The following OSMR variants were observed in gnomAD, a reference collection of about 807,000 sequenced individuals.
The protein encoded by OSMR is oncostatin M receptor, also known as oncostatin-M-specific receptor subunit beta.
In OSMR, 81 loss-of-function variants were observed where a neutral mutation model predicts 99.9. The observed-to-expected ratio is 0.81, with a 90% CI of 0.68 to 0.97. The LOEUF is 0.97. Among genes scored for constraint, OSMR ranks in the 50% least tolerant of loss-of-function variants. The pLI is 0.00. For synonymous variants in OSMR, 406 were observed against 410.4 expected (o/e 0.99, Z 0.13); for missense variants, 1,099 against 1,153.4 (o/e 0.95, Z 0.68).
Position 38,886,419 on chromosome 5 carries a change from C to T in OSMR, c.991+229C>T, listed in dbSNP as rs1164709770. ...CACCAATGAGCTTACTACCCAACTT[C>T]AAAACTAGGACTCTAACAATAACTT... On this transcript the variant is annotated intron_variant, in intron 7 of 17. Transcript: ENST00000274276. 6.6e-6 allele frequency: 8 copies of T among 1,211,582 alleles called. No homozygotes were observed. In the East Asian group the frequency reaches 2.3e-4, roughly 35 times the overall value. The allele number at this position is 1,211,582 out of a possible 1,614,324, so 75.1% of individuals were successfully genotyped here. A position where few individuals can be genotyped will look rare whatever the true frequency, so the allele number is the denominator to read the frequency against.
chr5:38,895,770 G>C (rs1326085012), intron 7 of OSMR, among the ~76,000 whole-genome samples: 1 of 151,942 alleles, frequency 6.6e-6, no homozygotes, highest in Non-Finnish European at 1.5e-5. Context: ...TCTTGTAGTA[G>C]TTTCATAGTT....
downstream of OSMR, chr5:38,945,128 C>T (rs1748043018): frequency 1.8e-6 from 2 of 1,140,920 alleles, no homozygotes; most frequent in East Asian, 4.9e-5. Flanking sequence ...CCTGTGCTTA[C>T]ATTGCATGCT....
At chr5:38,854,865 G>A (rs59397128) in intron 1 of OSMR, among the ~76,000 whole-genome samples, 41,946 of 152,124 alleles carry the variant, frequency 0.28, 5,976 homozygotes, top group South Asian at 0.44. Flanking sequence ...GAAGTAGGAA[G>A]TATTTTTTCC....
In OSMR at chr5:38,931,869, T is replaced by C. The variant is rs914119291; in HGVS notation, c.2213-14T>C. 6.2e-7 allele frequency: 1 copy of C among 1,611,598 alleles called. No individual in the cohort carries two copies. The highest frequency in any genetic ancestry group is 8.5e-7 in the Non-Finnish European group (1 of 1,177,822). ...GTACTTATTAAAAATGTCCCTTTCT[T>C]TTTCCTCGTTCAGCCTCGATGCTGA... On this transcript the variant is annotated splice_polypyrimidine_tract_variant and intron_variant, in intron 15 of 17. Coordinates refer to ENST00000274276, the MANE Select transcript of OSMR (RefSeq NM_003999.3).
At chr5:38,912,619 G>A (rs958815412) in intron 9 of OSMR, among the ~76,000 whole-genome samples, 11 of 152,020 alleles carry the variant, frequency 7.2e-5, no homozygotes, top group Admixed American at 6.6e-5. Context: ...TATAGACAAA[G>A]CATTTCTAAG....
chr5:38,922,175 C>T (rs956988572), intron 12 of OSMR, among the ~76,000 whole-genome samples: 1 of 152,136 alleles, frequency 6.6e-6, no homozygotes, highest in African/African-American at 2.4e-5. Flanking sequence ...TCATCAACTT[C>T]AGTTTCAATA....
At chr5:38,898,086 A>G (rs1744637009) in intron 7 of OSMR, among the ~76,000 whole-genome samples, 1 of 152,182 alleles carries the variant, frequency 6.6e-6, no homozygotes. Flanking sequence ...GCCATTGTAC[A>G]AAATATTTCT....
chr5:38,943,397 A>G (rs1159719477), intron 1 of OSMR: 1 of 162,094 alleles, frequency 6.2e-6, no homozygotes, highest in Non-Finnish European at 1.3e-5. Context: ...GCACCTCAGA[A>G]TCAGCTGTGA....
rs757376675 is a variant in OSMR at position 38,918,825 on chromosome 5, C to A, written c.1363-15C>A. The A allele has an allele frequency of 2.6e-5, 42 of 1,611,732 alleles. No homozygotes were observed. The highest frequency in any genetic ancestry group is 3.3e-5 in the Non-Finnish European group (39 of 1,178,090). On this transcript the variant is annotated splice_polypyrimidine_tract_variant and intron_variant, in intron 10 of 17. Transcript: ENST00000274276. ...TTAAAACCCATTTAAAAATGTTTAT[C>A]AATATTTTTTTCAGCCATTATCAAA...
downstream of OSMR, chr5:38,945,124 C>T: frequency 8.4e-7 from 1 of 1,185,966 alleles, no homozygotes; most frequent in Non-Finnish European, 1.2e-6. Context: ...AATTCCTGTG[C>T]TTACATTGCA....
intron 9 of OSMR, among the ~76,000 whole-genome samples, chr5:38,915,449 T>G (rs1324469736): frequency 6.6e-6 from 1 of 152,160 alleles, no homozygotes; most frequent in Non-Finnish European, 1.5e-5. Context: ...GGAAGAAAAA[T>G]AATTCATGTA....
chr5:38,885,983 C>T lies in OSMR; in HGVS notation c.840-56C>T, dbSNP rs552843350. 111 of 1,602,280 alleles carry T rather than the reference C, an allele frequency of 6.9e-5. No individual in the cohort carries two copies. In the South Asian group the frequency reaches 1.2e-3, roughly 17 times the overall value. Reference sequence around the variant, plus strand: ...CCCTGAGGGATAAGGGATACATTTGCTTTGACAAAAGTAAAAACCTCGTAA... The same window carrying T: ...CCCTGAGGGATAAGGGATACATTTGTTTTGACAAAAGTAAAAACCTCGTAA... On this transcript the variant is annotated intron_variant, in intron 6 of 17. Coordinates refer to ENST00000274276, the MANE Select transcript of OSMR (RefSeq NM_003999.3).
intron 15 of OSMR, among the ~76,000 whole-genome samples, chr5:38,929,334 G>A (rs1043962296): frequency 1.2e-4 from 18 of 151,884 alleles, no homozygotes; most frequent in Non-Finnish European, 2.4e-4. Flanking sequence ...ACTTTTTCTC[G>A]GATTAGGAGA....
At chr5:38,906,600 G>C (rs1745249795) in intron 9 of OSMR, among the ~76,000 whole-genome samples, 1 of 152,138 alleles carries the variant, frequency 6.6e-6, no homozygotes, top group Admixed American at 6.5e-5. Flanking sequence ...TTTCAATAAA[G>C]TTTTAAATTT....
chr5:38,870,264 A>T (rs895043503), intron 2 of OSMR, among the ~76,000 whole-genome samples: 1 of 152,022 alleles, frequency 6.6e-6, no homozygotes, highest in African/African-American at 2.4e-5. Context: ...ACTCTGTCTT[A>T]CTTGCTAAAA....
chr5:38,877,231 A>G (rs357270), intron 3 of OSMR, among the ~76,000 whole-genome samples: 26,117 of 152,150 alleles, frequency 0.17, 2,454 homozygotes, highest in African/African-American at 0.22. Flanking sequence ...TGTCAGCTCA[A>G]CCAGGCTCCT....
At chr5:38,871,021 A>G (rs1742344397) in intron 2 of OSMR, among the ~76,000 whole-genome samples, 1 of 152,216 alleles carries the variant, frequency 6.6e-6, no homozygotes, top group South Asian at 2.1e-4. Flanking sequence ...ATAAAAGGTT[A>G]TAATTGCATT....
chr5:38,858,301 A>C (rs1579628916), intron 1 of OSMR, among the ~76,000 whole-genome samples: 1 of 145,134 alleles, frequency 6.9e-6, no homozygotes, highest in Admixed American at 6.9e-5. Flanking sequence ...TCTATCTTCT[A>C]TTTCCATGAG....
Position 38,935,410 on chromosome 5 carries a change from G to C in OSMR, c.*1966G>C, listed in dbSNP as rs1746968620. On this transcript the variant is annotated 3_prime_UTR_variant, in exon 18 of 18. Transcript: ENST00000274276. ...GTAGTAGAAAGCGGTATCCTGATTAGTCTAACAGTTGTGTTAGACTTTAGG... is the reference window on the plus strand; with the variant it reads ...GTAGTAGAAAGCGGTATCCTGATTACTCTAACAGTTGTGTTAGACTTTAGG... The C allele has an allele frequency of 6.6e-6, 1 of 150,558 alleles. No individual in the cohort carries two copies. The highest frequency in any genetic ancestry group is 2.5e-5 in the African/African-American group (1 of 40,260). The allele number at this position is 150,558 out of a possible 1,614,324, so 9.3% of individuals were successfully genotyped here. A position where few individuals can be genotyped will look rare whatever the true frequency, so the allele number is the denominator to read the frequency against.
Sources: gnomAD v4.1 joint callset for allele counts (sites outside exome capture counted in the v4.1 genomes callset) on GRCh38, gnomAD v4.1.1 for gene constraint, MANE v1.5 for transcripts, NCBI Gene and HGNC (gene_info 2026-07-23, HGNC 2026-07-21) for gene names.